The following ESRRG variants were observed in gnomAD, a reference collection of about 807,000 sequenced individuals.
ESRRG encodes the protein estrogen related receptor gamma, also known as estrogen-related receptor gamma.
In ESRRG, 13 loss-of-function variants were observed where a neutral mutation model predicts 44.0. The observed-to-expected ratio is 0.30, with a 90% CI of 0.19 to 0.47. The LOEUF (loss-of-function observed/expected upper bound fraction) is 0.47. Among genes scored for constraint, ESRRG ranks in the 20% least tolerant of loss-of-function variants. The pLI, the probability that ESRRG is intolerant of heterozygous loss-of-function variation, is 1.00. For missense variants in ESRRG, 395 were observed against 580.6 expected, an observed-to-expected ratio of 0.68 and a Z score of 3.29; for synonymous variants, 215 against 214.6, an observed-to-expected ratio of 1.00 and a Z score of -0.02.
intron 6 of ESRRG, among the ~76,000 whole-genome samples, chr1:216,508,573 C>T (rs923330726): frequency 1.1e-4 from 16 of 152,298 alleles, no homozygotes; most frequent in Middle Eastern, 6.8e-3. Flanking sequence ...CCTGGCCTTT[C>T]CCTGTGGATT....
intron 1 of ESRRG, among the ~76,000 whole-genome samples, chr1:217,104,215 T>C (rs2092559239): frequency 6.6e-6 from 1 of 152,204 alleles, no homozygotes; most frequent in Non-Finnish European, 1.5e-5. Flanking sequence ...GTGTCTCTTG[T>C]AGCCCCTGTG....
intron 2 of ESRRG, among the ~76,000 whole-genome samples, chr1:216,875,978 A>G (rs1185843958): frequency 6.6e-6 from 1 of 152,204 alleles, no homozygotes. Context: ...GGCAAAAATG[A>G]AAAACTATAA....
intron 1 of ESRRG, among the ~76,000 whole-genome samples, chr1:217,002,300 TAAA>T (rs532552405): frequency 2.0e-5 from 2 of 97,744 alleles, no homozygotes; most frequent in African/African-American, 3.2e-5. Flanking sequence ...AGATTCTGTC[TAAA>T]AAAAAAAAAA....
intron 2 of ESRRG, among the ~76,000 whole-genome samples, chr1:216,935,396 C>G (rs1354153686): frequency 6.6e-6 from 1 of 152,148 alleles, no homozygotes; most frequent in Non-Finnish European, 1.5e-5. Flanking sequence ...GCTCATAAAA[C>G]TCAGAGAAAC....
chr1:216,588,861 T>A (rs2057153249), intron 3 of ESRRG, among the ~76,000 whole-genome samples: 1 of 152,178 alleles, frequency 6.6e-6, no homozygotes. Context: ...GCTTTGGGAA[T>A]CTATCGGGTA....
chr1:216,567,725 A>C (rs1331931109), intron 4 of ESRRG, among the ~76,000 whole-genome samples: 1 of 152,224 alleles, frequency 6.6e-6, no homozygotes, highest in East Asian at 1.9e-4. Flanking sequence ...GCTATGTATT[A>C]ATATGCTTAT....
At chr1:217,122,130 C>A (rs2092828201) in intron 1 of ESRRG, among the ~76,000 whole-genome samples, 1 of 152,180 alleles carries the variant, frequency 6.6e-6, no homozygotes, top group African/African-American at 2.4e-5. Flanking sequence ...GAGAAAGAAA[C>A]TGCTTATTTA....
At chr1:216,960,538 T>G (rs1300599205) in intron 1 of ESRRG, among the ~76,000 whole-genome samples, 1 of 152,094 alleles carries the variant, frequency 6.6e-6, no homozygotes, top group Non-Finnish European at 1.5e-5. Context: ...CTGGTTGTTT[T>G]TTGTTTTCTC....
rs376961649 is a variant in ESRRG at position 217,114,421 on chromosome 1, C to T, written c.-230+23246G>A. On this transcript the variant is annotated intron_variant, in intron 1 of 8. Transcript: ENST00000366940. ...ACACGGCTGAAAAAAATTAGTTTTC[C>T]CAGATCAAGGTGTCTAATTGCAGCT... Among the ~76,000 whole-genome samples, 126 of 152,066 alleles carry T rather than the reference C, an allele frequency of 8.3e-4. 1 individual carries two copies. Among genetic ancestry groups the T allele is most frequent in the African/African-American group, 2.9e-3 (120 of 41,474 alleles).
intron 1 of ESRRG, among the ~76,000 whole-genome samples, chr1:217,039,367 G>T (rs917716160): frequency 6.6e-6 from 1 of 152,118 alleles, no homozygotes; most frequent in African/African-American, 2.4e-5. Context: ...CCGAGACTGG[G>T]CAATTTACAA....
chr1:217,055,702 G>T (rs1157788713), intron 1 of ESRRG, among the ~76,000 whole-genome samples: 1 of 152,048 alleles, frequency 6.6e-6, no homozygotes, highest in Non-Finnish European at 1.5e-5. Flanking sequence ...CATTCTAAGG[G>T]TATGCCTAAG....
chr1:217,014,785 T>C (rs1259811295), intron 1 of ESRRG, among the ~76,000 whole-genome samples: 2 of 152,090 alleles, frequency 1.3e-5, no homozygotes, highest in Non-Finnish European at 2.9e-5. Flanking sequence ...TTAAGTTGGG[T>C]TCAATTATTT....
chr1:216,606,806 A>G (rs960552841), intron 3 of ESRRG, among the ~76,000 whole-genome samples: 38 of 152,338 alleles, frequency 2.5e-4, no homozygotes, highest in African/African-American at 6.5e-4. Context: ...AGCAGCATAC[A>G]TAGGTCAGGT....
intron 2 of ESRRG, among the ~76,000 whole-genome samples, chr1:216,669,676 G>A (rs530232197): frequency 4.6e-5 from 7 of 152,206 alleles, no homozygotes; most frequent in Admixed American, 6.5e-5. Flanking sequence ...ACTTGAGGTC[G>A]GAAGTTTGAG....
intron 1 of ESRRG, among the ~76,000 whole-genome samples, chr1:217,132,337 G>A (rs567781816): frequency 1.3e-5 from 2 of 152,090 alleles, no homozygotes; most frequent in African/African-American, 4.8e-5. Flanking sequence ...GCTGGGAAAA[G>A]GGAGAGGAAC....
chr1:216,824,278 C>T (rs2095352737), intron 2 of ESRRG, among the ~76,000 whole-genome samples: 1 of 152,040 alleles, frequency 6.6e-6, no homozygotes, highest in Non-Finnish European at 1.5e-5. Context: ...GAAACCCCAT[C>T]TCTACTAAAA....
intron 1 of ESRRG, among the ~76,000 whole-genome samples, chr1:217,133,038 A>T (rs905840340): frequency 6.6e-6 from 1 of 152,152 alleles, no homozygotes; most frequent in South Asian, 2.1e-4. Flanking sequence ...TCCTATCTAG[A>T]GCCCCAGACT....
intron 1 of ESRRG, among the ~76,000 whole-genome samples, chr1:217,073,960 T>C (rs893862395): frequency 6.6e-6 from 1 of 152,098 alleles, no homozygotes; most frequent in Non-Finnish European, 1.5e-5. Context: ...TACTTACTAG[T>C]CTGTTCATTA....
rs772044510 is a variant in ESRRG at position 216,686,618 on chromosome 1, T to TA, written c.57-9128dup. On this transcript the variant is annotated intron_variant, in intron 1 of 6. Coordinates refer to ENST00000408911, the MANE Select transcript of ESRRG (RefSeq NM_001438.4). ...AATTTCTAAATATAAAATGCCATTC[T>TA]AAAAAATCAACTAAAAAAAAAGACT... is the stretch of plus-strand genomic sequence containing the variant. Among the ~76,000 whole-genome samples, 358 of 147,132 alleles carry TA rather than the reference T, an allele frequency of 2.4e-3. 1 individual carries two copies. The highest frequency in any genetic ancestry group is 4.5e-3 in the Non-Finnish European group (297 of 66,436).
Sources: gnomAD v4.1 joint callset for allele counts (sites outside exome capture counted in the v4.1 genomes callset) on GRCh38, gnomAD v4.1.1 for gene constraint, MANE v1.5 for transcripts, NCBI Gene and HGNC (gene_info 2026-07-23, HGNC 2026-07-21) for gene names.